Variants in FAF1 observed in about 807,000 individuals in gnomAD.
FAF1 encodes the protein Fas associated factor 1.
In FAF1, 25 loss-of-function variants were observed where a neutral mutation model predicts 92.5. The ratio of observed to expected loss-of-function variants is 0.27; its 90% CI spans 0.20 to 0.38. FAF1 has a LOEUF of 0.38. FAF1 is among the 10% of genes least tolerant of loss of function. The pLI is 1.00. For synonymous variants in FAF1, 234 were observed against 273.2 expected (o/e 0.86, Z 1.42); for missense variants, 636 against 793.3 (o/e 0.80, Z 2.38).
chr1:50,939,354 G>A (rs1197006404), intron 1 of FAF1, among the ~76,000 whole-genome samples: 1 of 152,118 alleles, frequency 6.6e-6, no homozygotes, highest in African/African-American at 2.4e-5. Context: ...CTCTTGATTT[G>A]ACTCTAAGCC....
chr1:50,828,653 C>A (rs1644126270), intron 2 of FAF1, among the ~76,000 whole-genome samples: 1 of 152,050 alleles, frequency 6.6e-6, no homozygotes, highest in Non-Finnish European at 1.5e-5. Flanking sequence ...TATACCAACA[C>A]AAAATTAACT....
In FAF1 at chr1:50,437,958, G is replaced by A. The variant is rs956093131; in HGVS notation, c.*3482C>T. 1 of 143,978 alleles carries A rather than the reference G, an allele frequency of 6.9e-6. No homozygotes were observed. The highest frequency in any genetic ancestry group is 2.6e-5 in the African/African-American group (1 of 38,604). The allele number at this position is 143,978 out of a possible 1,614,324, so 8.9% of individuals were successfully genotyped here. On this transcript the variant is annotated 3_prime_UTR_variant, in exon 19 of 19. Coordinates refer to ENST00000396153, the MANE Select transcript of FAF1 (RefSeq NM_007051.3). ...GAACTGCTTGAGCCCAGGAGATGGA[G>A]GTTGCAGTGAGCCGAGATCGTGCCA...
At chr1:50,802,320 C>T (rs553614594) in intron 2 of FAF1, among the ~76,000 whole-genome samples, 1 of 152,254 alleles carries the variant, frequency 6.6e-6, no homozygotes, top group East Asian at 1.9e-4. Flanking sequence ...GAACTCCCAA[C>T]CTCAGGTGAT....
chr1:50,749,913 T>C (rs536672451), intron 4 of FAF1, among the ~76,000 whole-genome samples: 17 of 152,298 alleles, frequency 1.1e-4, no homozygotes, highest in Admixed American at 5.2e-4. Flanking sequence ...GAAAAATGTT[T>C]TGCAGAGTGC....
intron 9 of FAF1, among the ~76,000 whole-genome samples, chr1:50,590,734 C>G (rs767393605): frequency 2.0e-5 from 3 of 151,942 alleles, no homozygotes; most frequent in Non-Finnish European, 2.9e-5. Flanking sequence ...GTAATCCCAG[C>G]ACTTTGGGAG....
chr1:50,588,474 A>G (rs1651346103), intron 9 of FAF1, among the ~76,000 whole-genome samples: 1 of 152,084 alleles, frequency 6.6e-6, no homozygotes, highest in Non-Finnish European at 1.5e-5. Flanking sequence ...CCTCTTCCAG[A>G]CTTTATGGGC....
chr1:50,637,681 A>ATATATGTGTG (rs1553123409), intron 8 of FAF1, among the ~76,000 whole-genome samples: 86 of 137,156 alleles, frequency 6.3e-4, no homozygotes, highest in Non-Finnish European at 1.1e-3. Context: ...ACATATATAT[A>ATATATGTGTG]TGTGTGTGTG....
intron 5 of FAF1, 46 bp downstream of exon 5, chr1:50,744,638 G>C (rs746039688): frequency 9.3e-5 from 116 of 1,246,146 alleles, no homozygotes; most frequent in Admixed American, 4.1e-4. Flanking sequence ...TTTAATCAAT[G>C]GCATAACTTA....
chr1:50,585,880 TAAAAAAAAAAA>T (rs958484582), intron 9 of FAF1, among the ~76,000 whole-genome samples: 2 of 90,670 alleles, frequency 2.2e-5, no homozygotes, highest in African/African-American at 7.6e-5. Context: ...CATCTCTACA[TAAAAAAAAAAA>T]AAAAAAAAAA....
At chr1:50,835,128 G>C (rs1644188907) in intron 2 of FAF1, among the ~76,000 whole-genome samples, 2 of 152,048 alleles carry the variant, frequency 1.3e-5, no homozygotes, top group African/African-American at 4.8e-5. Flanking sequence ...GGCAAGAACT[G>C]GATTATATGA....
chr1:50,889,649 T>C (rs1644702347), intron 1 of FAF1, among the ~76,000 whole-genome samples: 1 of 152,252 alleles, frequency 6.6e-6, no homozygotes, highest in Non-Finnish European at 1.5e-5. Flanking sequence ...GAGCAGGTTG[T>C]TCAGTTTCCA....
intron 1 of FAF1, among the ~76,000 whole-genome samples, chr1:50,889,751 C>A (rs1215595452): frequency 6.6e-6 from 1 of 152,130 alleles, no homozygotes; most frequent in Non-Finnish European, 1.5e-5. Context: ...AATTTCTGTT[C>A]TTTTACATTT....
intron 15 of FAF1, among the ~76,000 whole-genome samples, chr1:50,530,245 G>A (rs930549733): frequency 9.3e-6 from 1 of 107,208 alleles, no homozygotes; most frequent in African/African-American, 3.8e-5. Context: ...AGTGGTGTGT[G>A]TGTGTGTGTG....
intron 1 of FAF1, among the ~76,000 whole-genome samples, chr1:50,883,225 A>G (rs913200634): frequency 3.3e-5 from 5 of 152,144 alleles, no homozygotes; most frequent in Non-Finnish European, 5.9e-5. Context: ...TGTCTGAAAT[A>G]AAAAGAAAAA....
At chr1:50,928,831 GCATGCCTGTAATCC>G (rs1242112816) in intron 1 of FAF1, among the ~76,000 whole-genome samples, 1 of 142,960 alleles carries the variant, frequency 7.0e-6, no homozygotes, top group Non-Finnish European at 1.5e-5. Flanking sequence ...GCACAGTGGC[GCATGCCTGTAATCC>G]CAGCACTTTG....
intron 18 of FAF1, among the ~76,000 whole-genome samples, chr1:50,464,497 G>T (rs142196683): frequency 1.3e-5 from 2 of 152,170 alleles, no homozygotes. Context: ...ATTTTACTAA[G>T]GGGAATGCAA....
chr1:50,530,340 C>G (rs1202779154), intron 15 of FAF1, among the ~76,000 whole-genome samples: 1 of 149,446 alleles, frequency 6.7e-6, no homozygotes, highest in South Asian at 2.1e-4. Flanking sequence ...AGAGTAAAAT[C>G]TCCTTTTAAA....
chr1:50,655,919 A>G (rs534643653), intron 7 of FAF1, among the ~76,000 whole-genome samples: 4 of 152,342 alleles, frequency 2.6e-5, no homozygotes, highest in African/African-American at 4.8e-5. Flanking sequence ...TCAAGTTTCT[A>G]TGTGGAATAG....
At chr1:50,868,552 T>C (rs1358269438) in intron 1 of FAF1, among the ~76,000 whole-genome samples, 1 of 152,170 alleles carries the variant, frequency 6.6e-6, no homozygotes, top group African/African-American at 2.4e-5. Flanking sequence ...AGCTGTAAAT[T>C]TACCTCTAGG....
Sources: allele counts gnomAD v4.1 joint callset (sites outside exome capture counted in the v4.1 genomes callset), GRCh38; gene constraint gnomAD v4.1.1; transcripts MANE v1.5; gene names NCBI Gene and HGNC (gene_info 2026-07-23, HGNC 2026-07-21).